Variants in OSBPL9 observed in about 807,000 individuals in gnomAD.
The protein encoded by OSBPL9 is oxysterol binding protein like 9, also known as oxysterol-binding protein-related protein 9.
A neutral mutation model predicts 106.6 loss-of-function variants in OSBPL9; 40 were observed. The ratio of observed to expected loss-of-function variants is 0.38; its 90% CI spans 0.29 to 0.49. OSBPL9 has a LOEUF of 0.49. Among genes scored for constraint, OSBPL9 ranks in the 20% least tolerant of loss-of-function variants. The pLI is 0.97. For missense variants in OSBPL9, 609 were observed against 887.2 expected (o/e 0.69, Z 3.98); for synonymous variants, 269 against 295.4 (o/e 0.91, Z 0.92).
At chr1:51,664,360 C>CA in intron 2 of OSBPL9, among the ~76,000 whole-genome samples, 1 of 151,950 alleles carries the variant, frequency 6.6e-6, no homozygotes, top group Admixed American at 6.6e-5. Flanking sequence ...AAGCCAGACA[C>CA]AAAGGAAAAT....
chr1:51,649,311 T>C (rs905125944), intron 1 of OSBPL9, among the ~76,000 whole-genome samples: 1 of 152,168 alleles, frequency 6.6e-6, no homozygotes, highest in African/African-American at 2.4e-5. Context: ...TTCACCACGT[T>C]AGCCAGGCTG....
intron 12 of OSBPL9, among the ~76,000 whole-genome samples, chr1:51,769,628 C>T (rs1673403785): frequency 6.6e-6 from 1 of 152,186 alleles, no homozygotes; most frequent in Non-Finnish European, 1.5e-5. Flanking sequence ...TGCCTAAATT[C>T]TAGACAACTT....
the OSBPL9 span, among the ~76,000 whole-genome samples, chr1:51,540,189 C>T: frequency 6.6e-6 from 1 of 151,838 alleles, no homozygotes; most frequent in Non-Finnish European, 1.5e-5. Context: ...AGAGACTCTC[C>T]CTCCCATTGC....
intron 3 of OSBPL9, chr1:51,707,468 T>A (rs2148872318): frequency 5.6e-6 from 1 of 178,412 alleles, no homozygotes; most frequent in Admixed American, 6.0e-5. Context: ...ATCTTCCCAT[T>A]CAGTTTGGGG....
intron 10 of OSBPL9, among the ~76,000 whole-genome samples, chr1:51,761,156 A>G (rs1671398570): frequency 6.6e-6 from 1 of 152,170 alleles, no homozygotes; most frequent in African/African-American, 2.4e-5. Flanking sequence ...AGCTCTGAAC[A>G]ATACAAATGG....
chr1:51,554,771 C>A, the OSBPL9 span, among the ~76,000 whole-genome samples: 5 of 152,186 alleles, frequency 3.3e-5, no homozygotes, highest in African/African-American at 1.2e-4. Context: ...AACTCTTCAT[C>A]ATTTGTAAGA....
At chr1:51,569,328 T>C in the OSBPL9 span, among the ~76,000 whole-genome samples, 1 of 152,224 alleles carries the variant, frequency 6.6e-6, no homozygotes, top group Non-Finnish European at 1.5e-5. Flanking sequence ...TTTCTTAATA[T>C]GGTACCATGT....
intron 15 of OSBPL9, among the ~76,000 whole-genome samples, chr1:51,778,996 T>A (rs1038109041): frequency 6.6e-6 from 1 of 152,232 alleles, no homozygotes; most frequent in African/African-American, 2.4e-5. Flanking sequence ...ATTTGGCAAT[T>A]AAGCAATGCA....
At position 51,597,869 on chromosome 1, in the gene OSBPL9, A is replaced by G. The variant is rs1557580159; in HGVS notation, c.-422-255A>G. Among the ~76,000 whole-genome samples, 3 of 152,368 alleles carry G rather than the reference A, an allele frequency of 2.0e-5. No individual in the cohort carries two copies. In the East Asian group the frequency reaches 5.8e-4, roughly 29 times the overall value. ...AATCACCTACTATGTGCAGGGTGCT[A>G]TGCCAAGTTCTGAGGAAACAAAAAC... On this transcript the variant is annotated intron_variant, in intron 1 of 25. Transcript: ENST00000371714.
intron 1 of OSBPL9, among the ~76,000 whole-genome samples, chr1:51,635,089 C>T (rs533039950): frequency 1.4e-4 from 21 of 152,262 alleles, no homozygotes; most frequent in South Asian, 4.1e-4. Context: ...AGGGCTGGGC[C>T]GTCTTGTTAT....
intron 10 of OSBPL9, 62 bp downstream of exon 10, chr1:51,760,842 A>G (rs1671337958): frequency 1.9e-6 from 3 of 1,563,744 alleles, no homozygotes; most frequent in Non-Finnish European, 2.6e-6. Flanking sequence ...TGTGGCTGTC[A>G]TAGCAGTCTT....
Position 51,669,334 on chromosome 1 carries a change from C to A in OSBPL9, c.163-100C>A, listed in dbSNP as rs1161249276. 1.2e-5 allele frequency: 11 copies of A among 939,962 alleles called. No homozygotes were observed. In the Admixed American group the frequency reaches 2.6e-4, roughly 22 times the overall value. 58.2% of individuals were successfully genotyped at this position (939,962 alleles called of 1,614,324 possible). A position where few individuals can be genotyped will look rare whatever the true frequency, so the allele number is the denominator to read the frequency against. ...CCTCTTTTCTGTGTCTAGCCTGCTT[C>A]CAGTGTCGTTGGTGCATTGAGTATT... On this transcript the variant is annotated intron_variant, in intron 2 of 23. Coordinates refer to ENST00000428468, the MANE Select transcript of OSBPL9 (RefSeq NM_024586.6).
At chr1:51,696,090 A>G (rs1019937126) in intron 3 of OSBPL9, among the ~76,000 whole-genome samples, 32 of 152,188 alleles carry the variant, frequency 2.1e-4, no homozygotes, top group African/African-American at 7.7e-4. Flanking sequence ...GCCTAAGACA[A>G]TGACTGGTAC....
Position 51,590,796 on chromosome 1 carries a change from C to G in OSBPL9, c.-422-7328C>G, listed in dbSNP as rs149075414. On this transcript the variant is annotated intron_variant, in intron 1 of 25. Transcript: ENST00000371714. ...ACAGGGTCTCTCTTTGTTGCCCAGG[C>G]TGAAGTGCAGTGGCACGATCATAGG... Among the ~76,000 whole-genome samples the G allele has an allele frequency of 8.5e-3, 1,286 of 152,040 alleles. 16 individuals carry two copies. The highest frequency in any genetic ancestry group is 0.03 in the African/African-American group (1,237 of 41,484).
chr1:51,537,727 G>A, the OSBPL9 span, among the ~76,000 whole-genome samples: 1 of 152,008 alleles, frequency 6.6e-6, no homozygotes, highest in East Asian at 1.9e-4. Flanking sequence ...TCTTTATAGA[G>A]ATGGGGTCTC....
At chr1:51,726,698 T>G (rs1663188764) in intron 4 of OSBPL9, among the ~76,000 whole-genome samples, 1 of 152,188 alleles carries the variant, frequency 6.6e-6, no homozygotes, top group South Asian at 2.1e-4. Context: ...GATTCATGGG[T>G]TGGAAATCAC....
chr1:51,753,833 T>C (rs547200052), intron 8 of OSBPL9, among the ~76,000 whole-genome samples: 1 of 152,362 alleles, frequency 6.6e-6, no homozygotes, highest in Non-Finnish European at 1.5e-5. Context: ...TGGAGTCATT[T>C]GGAAATCAGT....
chr1:51,703,408 T>C (rs1427254353), intron 3 of OSBPL9, among the ~76,000 whole-genome samples: 3 of 152,262 alleles, frequency 2.0e-5, no homozygotes, highest in Admixed American at 2.0e-4. Flanking sequence ...GAAGCAGTTG[T>C]GAATGGGAGT....
In OSBPL9 at chr1:51,623,925, CT is replaced by C. The variant is rs768675016; in HGVS notation, c.111+6716del. Among the ~76,000 whole-genome samples the C allele has an allele frequency of 8.1e-3, 1,172 of 145,028 alleles. 4 individuals are homozygous for C. Among genetic ancestry groups the C allele is most frequent in the Admixed American group, 0.015 (218 of 14,540 alleles). ...ATTTTTATTGAGCTTATATATGGTA[CT>C]TTTTTTTTTTTGTCGGAGTCTCGCT... is the stretch of plus-strand genomic sequence containing the variant. On this transcript the variant is annotated intron_variant, in intron 1 of 23. Coordinates refer to ENST00000428468, the MANE Select transcript of OSBPL9 (RefSeq NM_024586.6).
Sources: gnomAD v4.1 joint callset for allele counts (sites outside exome capture counted in the v4.1 genomes callset) on GRCh38, gnomAD v4.1.1 for gene constraint, MANE v1.5 for transcripts, NCBI Gene and HGNC (gene_info 2026-07-23, HGNC 2026-07-21) for gene names.